The following CFAP299 variants were observed in gnomAD, a reference collection of about 807,000 sequenced individuals.
CFAP299 encodes the protein cilia and flagella associated protein 299, also known as cilia- and flagella-associated protein 299.
CFAP299 carries 21 observed loss-of-function variants against 27.0 expected under a neutral mutation model. That is an observed-to-expected ratio of 0.78 (90% CI 0.55 to 1.12). The LOEUF (loss-of-function observed/expected upper bound fraction) is 1.12, where lower values mean the gene tolerates loss of function less well. Among genes scored for constraint, CFAP299 ranks in the 50% most tolerant of loss-of-function variants. The probability of loss-of-function intolerance (pLI) is 0.00; values close to 1 mark genes in which losing one functional copy is unlikely to be tolerated. For synonymous variants in CFAP299, 104 were observed against 98.1 expected (o/e 1.06, Z -0.36); for missense variants, 310 against 276.6 (o/e 1.12, Z -0.86).
chr4:80,467,941 C>T (rs930224567), intron 2 of CFAP299, among the ~76,000 whole-genome samples: 2 of 152,156 alleles, frequency 1.3e-5, no homozygotes, highest in Non-Finnish European at 2.9e-5. Flanking sequence ...ACGAGAACAT[C>T]ATAGGGAAAA....
At chr4:80,653,191 C>G (rs1309571514) in intron 3 of CFAP299, among the ~76,000 whole-genome samples, 1 of 152,024 alleles carries the variant, frequency 6.6e-6, no homozygotes. Context: ...CATACTTATC[C>G]AAAACCTCCT....
intron 2 of CFAP299, among the ~76,000 whole-genome samples, chr4:80,436,373 A>G (rs1728078367): frequency 6.9e-6 from 1 of 145,176 alleles, no homozygotes; most frequent in South Asian, 2.1e-4. Context: ...ATCTCAGCTC[A>G]CTGTAAGCTC....
At chr4:80,329,208 C>CACACACACATATATATATATATATAT in the CFAP299 span, among the ~76,000 whole-genome samples, 1 of 136,042 alleles carries the variant, frequency 7.4e-6, no homozygotes, top group South Asian at 2.4e-4. Flanking sequence ...ACACTGTATA[C>CACACACACATATATATATATATATAT]ATATATATAT....
intron 3 of CFAP299, among the ~76,000 whole-genome samples, chr4:80,632,207 A>G (rs1033564881): frequency 2.0e-5 from 3 of 152,044 alleles, no homozygotes; most frequent in African/African-American, 7.2e-5. Context: ...ATGACTTAAC[A>G]TTTTCTGATA....
rs116566969 is a variant in CFAP299 at position 80,705,993 on chromosome 4, T to A, written c.333+122810T>A. Among the ~76,000 whole-genome samples the A allele has an allele frequency of 8.5e-3, 1,295 of 151,910 alleles. 12 individuals are homozygous for A. Among genetic ancestry groups the A allele is most frequent in the African/African-American group, 0.029 (1,220 of 41,508 alleles). On this transcript the variant is annotated intron_variant, in intron 3 of 5. Coordinates refer to ENST00000358105, the MANE Select transcript of CFAP299 (RefSeq NM_152770.3). The stretch of plus-strand genomic sequence containing the variant: ...TTCAATTTTTTTGAATTGTAAAAAA[T>A]TTCTTCTACTGCTGCAATATTGATT...
At chr4:80,356,525 T>C (rs1387542318) in intron 1 of CFAP299, among the ~76,000 whole-genome samples, 1 of 152,164 alleles carries the variant, frequency 6.6e-6, no homozygotes, top group African/African-American at 2.4e-5. Flanking sequence ...CAGTGGTTTG[T>C]AGTTCTCCTT....
chr4:80,451,631 TAA>T (rs1192006742), intron 2 of CFAP299, among the ~76,000 whole-genome samples: 2 of 152,248 alleles, frequency 1.3e-5, no homozygotes, highest in African/African-American at 4.8e-5. Flanking sequence ...ATGCTTGATT[TAA>T]AGTTTCCTTT....
chr4:80,793,586 A>G (rs974641007), intron 3 of CFAP299, among the ~76,000 whole-genome samples: 4 of 152,154 alleles, frequency 2.6e-5, no homozygotes, highest in Non-Finnish European at 5.9e-5. Context: ...AAAGACAATA[A>G]TAAGGTCATA....
chr4:80,523,910 A>AT (rs982361480), intron 2 of CFAP299, among the ~76,000 whole-genome samples: 14 of 151,502 alleles, frequency 9.2e-5, no homozygotes, highest in African/African-American at 2.4e-4. Flanking sequence ...CATCAACTTG[A>AT]TTTTTTTTTC....
chr4:80,798,914 T>A (rs182667036), intron 3 of CFAP299, among the ~76,000 whole-genome samples: 2 of 151,514 alleles, frequency 1.3e-5, no homozygotes, highest in Non-Finnish European at 2.9e-5. Flanking sequence ...GTGTTCTCCA[T>A]ACTATTGGAA....
chr4:80,364,635 G>T (rs755195068), intron 2 of CFAP299, among the ~76,000 whole-genome samples: 7 of 152,174 alleles, frequency 4.6e-5, no homozygotes, highest in African/African-American at 1.7e-4. Context: ...ATGTGTGCAG[G>T]ATGTGCAGGT....
rs560897343 is a variant in CFAP299 at position 80,647,460 on chromosome 4, C to A, written c.333+64277C>A. ...CATTTTTTATTTAAGATGTGGAGTC[C>A]AAATATTGCTAAATAATTAGTATAA... On this transcript the variant is annotated intron_variant, in intron 3 of 5. Coordinates refer to ENST00000358105, the MANE Select transcript of CFAP299 (RefSeq NM_152770.3). Among the ~76,000 whole-genome samples, 153 of 152,068 alleles carry A rather than the reference C, an allele frequency of 1.0e-3. 1 individual carries two copies. The highest frequency in any genetic ancestry group is 3.5e-3 in the African/African-American group (144 of 41,482).
chr4:80,829,318 T>G (rs1159706049), intron 3 of CFAP299, among the ~76,000 whole-genome samples: 1 of 151,938 alleles, frequency 6.6e-6, no homozygotes, highest in Non-Finnish European at 1.5e-5. Context: ...AATGAACACA[T>G]GAAAAGACTC....
chr4:80,426,727 T>C (rs923005209), intron 2 of CFAP299, among the ~76,000 whole-genome samples: 1 of 152,228 alleles, frequency 6.6e-6, no homozygotes, highest in African/African-American at 2.4e-5. Flanking sequence ...GCAAGTGTTT[T>C]GGATTAGAAT....
chr4:80,730,916 A>C (rs1484567819), intron 3 of CFAP299, among the ~76,000 whole-genome samples: 1 of 152,208 alleles, frequency 6.6e-6, no homozygotes, highest in Non-Finnish European at 1.5e-5. Context: ...CTGCCTTTGC[A>C]CATGCCTTTA....
chr4:80,661,335 A>AC (rs1331139792), intron 3 of CFAP299, among the ~76,000 whole-genome samples: 2 of 152,028 alleles, frequency 1.3e-5, no homozygotes, highest in East Asian at 3.9e-4. Context: ...CAAAAAAAAA[A>AC]AAAAAAAAAA....
At chr4:80,876,989 C>A (rs1733413984) in intron 4 of CFAP299, among the ~76,000 whole-genome samples, 1 of 152,096 alleles carries the variant, frequency 6.6e-6, no homozygotes, top group African/African-American at 2.4e-5. Context: ...TGTACTTAAC[C>A]AGGCTTTCAT....
At chr4:80,690,091 A>C (rs1720553670) in intron 3 of CFAP299, among the ~76,000 whole-genome samples, 1 of 149,182 alleles carries the variant, frequency 6.7e-6, no homozygotes, top group Non-Finnish European at 1.5e-5. Context: ...CACATTAATA[A>C]TGGGAGACTT....
At chr4:80,600,125 G>A (rs780997449) in intron 3 of CFAP299, among the ~76,000 whole-genome samples, 7 of 152,072 alleles carry the variant, frequency 4.6e-5, no homozygotes, top group Non-Finnish European at 7.4e-5. Context: ...GCCACTGTAT[G>A]AGGGTGATAT....
Sources: gnomAD v4.1 joint callset for allele counts (sites outside exome capture counted in the v4.1 genomes callset) on GRCh38, gnomAD v4.1.1 for gene constraint, MANE v1.5 for transcripts, NCBI Gene and HGNC (gene_info 2026-07-23, HGNC 2026-07-21) for gene names.